Variants in NUP214 observed in about 807,000 individuals in gnomAD.
NUP214 encodes nucleoporin 214.
NUP214 carries 79 observed loss-of-function variants against 196.2 expected under a neutral mutation model. The observed-to-expected ratio is 0.40, with a 90% confidence interval of 0.34 to 0.49. The LOEUF is 0.49. NUP214 is among the 20% of genes least tolerant of loss of function. NUP214 has a pLI of 0.58. For synonymous variants in NUP214, 1,020 were observed against 990.5 expected, an observed-to-expected ratio of 1.03 and a Z score of -0.56; for missense variants, 2,468 against 2,539.0, an observed-to-expected ratio of 0.97 and a Z score of 0.60.
rs550732374 is a variant in NUP214 at position 131,148,574 on chromosome 9, C to A, written c.2040+990C>A. Among the ~76,000 whole-genome samples, 3 of 152,166 alleles carry A rather than the reference C, an allele frequency of 2.0e-5. No homozygotes were observed. The South Asian group carries it at 6.2e-4, about 32-fold the overall frequency. On this transcript the variant is annotated intron_variant, in intron 14 of 35. Coordinates refer to ENST00000359428, the MANE Select transcript of NUP214 (RefSeq NM_005085.4). The stretch of plus-strand genomic sequence containing the variant: ...GACTTCTGGCTGCTCCACATACTTG[C>A]CACTCTTGGTATTTTTCATCTTTTG...
At chr9:131,195,487 A>G in intron 28 of NUP214, 193 bp downstream of exon 28, 1 of 461,784 alleles carries the variant, frequency 2.2e-6, no homozygotes, top group Non-Finnish European at 3.8e-6. Flanking sequence ...CTATTTTTAT[A>G]ATTAAGGACA....
chr9:131,155,714 A>T (rs1475253462), intron 17 of NUP214, among the ~76,000 whole-genome samples: 1 of 152,190 alleles, frequency 6.6e-6, no homozygotes. Context: ...CAATTATCCC[A>T]GCACTATTTG....
At chr9:131,209,235 G>A (rs1564212061) in intron 30 of NUP214, among the ~76,000 whole-genome samples, 1 of 152,010 alleles carries the variant, frequency 6.6e-6, no homozygotes, top group East Asian at 1.9e-4. Flanking sequence ...CAAGTTGGCT[G>A]GGCGTGGCAG....
At position 131,125,593 on chromosome 9, in the gene NUP214, A is replaced by G. The variant is rs1048055346; in HGVS notation, c.-112A>G. ...AAAGCGCGCCGGAAATGCGAGGTCA[A>G]CTGCGCGCCGCTGGCGCTGAGGGGA... On this transcript the variant is annotated 5_prime_UTR_variant, in exon 1 of 36. Transcript: ENST00000359428. This position sits in a 1 kb window ranked among gnomAD's most constrained non-coding sequence, Gnocchi z 4.1. The G allele has an allele frequency of 6.5e-7, 1 of 1,548,278 alleles. No individual in the cohort carries two copies. The highest frequency in any genetic ancestry group is 1.2e-5 in the South Asian group (1 of 83,786).
chr9:131,157,542 G>GGGTT (rs1832494215), intron 17 of NUP214, among the ~76,000 whole-genome samples: 1 of 141,990 alleles, frequency 7.0e-6, no homozygotes, highest in East Asian at 2.2e-4. Flanking sequence ...TCAGCTCACT[G>GGGTT]CAACCTCAGC....
At chr9:131,197,089 G>A in intron 28 of NUP214, 127 bp from the exon 29 acceptor site, 1 of 1,319,938 alleles carries the variant, frequency 7.6e-7, no homozygotes. Flanking sequence ...AAGCTGCTGT[G>A]AGAACAAGGC....
In NUP214 at chr9:131,198,167, C is replaced by G. The variant is rs1204260094; in HGVS notation, c.4673C>G (p.Thr1558Ser). ...AACTCTGGCACTGCAGCATCTAGTA[C>G]TAGTCTTGTAGCACTTTCTGCAGAG... ...VSNSGTAASS[T>S]SLVALSAEAT... is the part of the protein sequence containing the mutation. Residue 1558 changes from threonine to serine, a missense_variant, in exon 29 of 36, where the codon ACT becomes AGT. Coordinates refer to ENST00000359428, the MANE Select transcript of NUP214 (RefSeq NM_005085.4). The G allele has an allele frequency of 6.2e-7, 1 of 1,614,228 alleles. No homozygotes were observed.
At chr9:131,136,643 A>G (rs570588631) in intron 9 of NUP214, 2 of 152,386 alleles carry the variant, frequency 1.3e-5, no homozygotes, top group South Asian at 4.1e-4. Flanking sequence ...AAAGAAAAAC[A>G]TGCAGATGAC....
intron 3 of NUP214, among the ~76,000 whole-genome samples, chr9:131,129,056 G>A (rs1385342374): frequency 6.6e-6 from 1 of 152,290 alleles, no homozygotes; most frequent in South Asian, 2.1e-4. Context: ...CCTTCTGAGA[G>A]TCCCCCTAAG....
intron 30 of NUP214, among the ~76,000 whole-genome samples, chr9:131,203,558 T>G (rs1227739741): frequency 3.3e-5 from 5 of 152,220 alleles, no homozygotes; most frequent in Non-Finnish European, 7.3e-5. Context: ...GGAAGAAATT[T>G]TCTTTATCAT....
chr9:131,202,445 G>T (rs750844990), intron 30 of NUP214, among the ~76,000 whole-genome samples: 15 of 151,614 alleles, frequency 9.9e-5, no homozygotes, highest in Non-Finnish European at 1.9e-4. Flanking sequence ...GTTTTTGGAG[G>T]CAGAGTCTAA....
In NUP214 at chr9:131,128,390, G is replaced by A; in HGVS notation, c.300G>A (p.Leu100=). Residue 100 remains leucine, a synonymous_variant, in exon 3 of 36, where the codon TTG becomes TTA. Transcript: ENST00000359428. ...AATTCCCAATCCATCACCTGGCCTT[G>A]AGCTGTGATAACCTCACACTCTCTG... The part of the protein sequence containing the change: ...PMKFPIHHLA[L]SCDNLTLSAC... 6.2e-7 allele frequency: 1 copy of A among 1,613,582 alleles called. No homozygotes were observed. The highest frequency in any genetic ancestry group is 8.5e-7 in the Non-Finnish European group (1 of 1,179,644).
At position 131,127,595 on chromosome 9, in the gene NUP214, G is replaced by C; in HGVS notation, c.117G>C (p.Ser39=). The stretch of plus-strand genomic sequence containing the variant: ...CTGAGGAATTGCCCAAGGAACGCTC[G>C]AGTCTGCTTGCTGTGTCCAACAAAT... ...DSPEELPKER[S]SLLAVSNKYG... Residue 39 remains serine (S), a synonymous_variant, in exon 2 of 36, where the codon TCG becomes TCC. Transcript: ENST00000359428. The C allele has an allele frequency of 6.2e-7, 1 of 1,614,138 alleles. No homozygotes were observed. Among genetic ancestry groups the C allele is most frequent in the Non-Finnish European group, 8.5e-7 (1 of 1,180,006 alleles).
At chr9:131,183,937 A>G (rs1439443108) in intron 24 of NUP214, among the ~76,000 whole-genome samples, 1 of 151,614 alleles carries the variant, frequency 6.6e-6, no homozygotes, top group Non-Finnish European at 1.5e-5. Flanking sequence ...TTTCAGCTTA[A>G]TCATGAAATG....
At chr9:131,182,458 A>C (rs939581592) in intron 24 of NUP214, among the ~76,000 whole-genome samples, 4 of 152,246 alleles carry the variant, frequency 2.6e-5, no homozygotes, top group African/African-American at 9.6e-5. Flanking sequence ...TCTAGGTTGC[A>C]TGCTCCTTAT....
chr9:131,161,156 T>A (rs1375008568), intron 18 of NUP214, among the ~76,000 whole-genome samples: 2 of 152,244 alleles, frequency 1.3e-5, no homozygotes, highest in Non-Finnish European at 2.9e-5. Context: ...GAGTTCTCTT[T>A]CTGCAGAGTT....
chr9:131,144,246 GT>G lies in NUP214; in HGVS notation c.1295-32del, dbSNP rs1489197661. On this transcript the variant is annotated intron_variant, in intron 11 of 35. Transcript: ENST00000359428. ...TTATGTGAACCTCCACTGTTACAGT[GT>G]TAACATTTTCCTTCCTTTTTTTGTC... 4.0e-6 allele frequency: 6 copies of G among 1,518,820 alleles called. No individual in the cohort carries two copies. In the African/African-American group the frequency reaches 6.9e-5, roughly 17 times the overall value. The allele number at this position is 1,518,820 out of a possible 1,614,324, so 94.1% of individuals were successfully genotyped here. A position where few individuals can be genotyped will look rare whatever the true frequency, so the allele number is the denominator to read the frequency against.
Position 131,198,634 on chromosome 9 carries a change from G to GAA in NUP214, c.5140_5141insAA (p.Gly1714GlufsTer148), listed in dbSNP as rs1564206514. On this transcript the variant is annotated frameshift_variant, in exon 29 of 36. Transcript: ENST00000359428. LOFTEE classifies it high-confidence loss of function. ...CTCAGGGTTTAGCAGCCCAGCTTTTGGTACCACAGCCCCAGGGGTCTTTGG... is the reference window on the plus strand; with the variant it reads ...CTCAGGGTTTAGCAGCCCAGCTTTTGAAGTACCACAGCCCCAGGGGTCTTTGG... 1 of 1,614,234 alleles carries GAA rather than the reference G, an allele frequency of 6.2e-7. No individual in the cohort carries two copies. The highest frequency in any genetic ancestry group is 8.5e-7 in the Non-Finnish European group (1 of 1,180,040).
At chr9:131,161,447 T>C (rs1832629811) in intron 18 of NUP214, among the ~76,000 whole-genome samples, 1 of 152,040 alleles carries the variant, frequency 6.6e-6, no homozygotes, top group South Asian at 2.1e-4. Flanking sequence ...TTAGTAGAGA[T>C]GGGGTTTCAC....
Sources: gnomAD v4.1 joint callset for allele counts (sites outside exome capture counted in the v4.1 genomes callset) on GRCh38, gnomAD v4.1.1 for gene constraint, Gnocchi (gnomAD v3.1) non-coding constraint, MANE v1.5 for transcripts, NCBI Gene and HGNC (gene_info 2026-07-23, HGNC 2026-07-21) for gene names.